The following EPC2 variants were observed in gnomAD, a reference collection of about 807,000 sequenced individuals.
EPC2 encodes the protein enhancer of polycomb homolog 2.
Under a neutral mutation model 92.1 loss-of-function variants are expected in EPC2, and 14 were observed. That is an observed-to-expected ratio of 0.15 (90% CI 0.10 to 0.24). The LOEUF is 0.24. EPC2 is among the 10% of genes least tolerant of loss of function. The pLI is 1.00. For missense variants in EPC2, 755 were observed against 971.5 expected (o/e 0.78, Z 2.96); for synonymous variants, 340 against 334.7 (o/e 1.02, Z -0.17).
chr2:148,718,216 T>C (rs1368226172), intron 2 of EPC2, among the ~76,000 whole-genome samples: 1 of 152,230 alleles, frequency 6.6e-6, no homozygotes, highest in African/African-American at 2.4e-5. Flanking sequence ...CTGTGTCTTT[T>C]AATTGGGGCA....
At chr2:148,741,935 A>G (rs1421293094) in intron 2 of EPC2, among the ~76,000 whole-genome samples, 1 of 152,190 alleles carries the variant, frequency 6.6e-6, no homozygotes, top group African/African-American at 2.4e-5. Flanking sequence ...AAACACATGC[A>G]TATATATCCA....
At chr2:148,673,674 C>G (rs1681199803) in intron 1 of EPC2, among the ~76,000 whole-genome samples, 1 of 152,166 alleles carries the variant, frequency 6.6e-6, no homozygotes, top group African/African-American at 2.4e-5. Flanking sequence ...GCCTCTGCCT[C>G]TTGGGTTCCA....
rs1471338066 is a variant in EPC2, at chr2:148,690,329, A to G, written c.269A>G (p.Tyr90Cys). The G allele has an allele frequency of 1.2e-6, 2 of 1,611,300 alleles. No homozygotes were observed. The highest frequency in any genetic ancestry group is 1.1e-5 in the South Asian group (1 of 90,366). The stretch of plus-strand genomic sequence containing the variant: ...AACGTCAACTATTACAATCGCTTGT[A>G]CAAAGGAGAGTTTAAACAGCCAAAA... ...ESNVNYYNRL[Y>C]KGEFKQPKQF... is the part of the protein sequence containing the mutation. Residue 90 changes from tyrosine (Y) to cysteine (C), a missense_variant, in exon 2 of 14, where the codon TAC becomes TGC. Transcript: ENST00000258484.
chr2:148,675,332 A>T (rs953392749), intron 1 of EPC2, among the ~76,000 whole-genome samples: 1 of 152,116 alleles, frequency 6.6e-6, no homozygotes, highest in Non-Finnish European at 1.5e-5. Context: ...GTATCCCTAA[A>T]TGCTACTTTT....
intron 1 of EPC2, among the ~76,000 whole-genome samples, chr2:148,686,600 A>G (rs968012292): frequency 2.6e-5 from 4 of 152,244 alleles, no homozygotes; most frequent in African/African-American, 9.6e-5. Context: ...TTGCCTTACA[A>G]AATGGATTTC....
In EPC2 at chr2:148,654,727, C is replaced by T. The variant is rs533383496; in HGVS notation, c.153+9557C>T. Among the ~76,000 whole-genome samples the T allele has an allele frequency of 2.4e-4, 37 of 152,244 alleles. No individual in the cohort carries two copies. The South Asian group carries it at 3.3e-3, about 14-fold the overall frequency. ...CATTACAAGTTAATATGTGTGTTTT[C>T]CTCCTTCCTTCTGTTTTCTGGCACA... On this transcript the variant is annotated intron_variant, in intron 1 of 13. Transcript: ENST00000258484.
chr2:148,651,414 C>G (rs1355788500), intron 1 of EPC2, among the ~76,000 whole-genome samples: 2 of 152,122 alleles, frequency 1.3e-5, no homozygotes, highest in African/African-American at 4.8e-5. Flanking sequence ...CCTGTTACAT[C>G]TTCAGCACTA....
chr2:148,771,345 G>A lies in EPC2; in HGVS notation c.1678G>A (p.Ala560Thr). Residue 560 changes from alanine (A) to threonine (T), a missense_variant, in exon 10 of 14, where the codon GCA becomes ACA. Physicochemically the swap from Ala to Thr is moderately conservative, Grantham distance 58 (BLOSUM62 0). This residue lies in a region of EPC2 where 509 missense variants were observed against 607.7 expected (regional missense o/e 0.84). Coordinates refer to ENST00000258484, the MANE Select transcript of EPC2 (RefSeq NM_015630.4). ...TGTGAACAATAAAAGAGTTTCTGCA[G>A]CATCTGTAGCTTTATTGAACACCAG... ...QTVNNKRVSA[A>T]SVALLNTSKN... 2 of 1,609,742 alleles carry A rather than the reference G, an allele frequency of 1.2e-6. No homozygotes were observed. The highest frequency in any genetic ancestry group is 8.5e-7 in the Non-Finnish European group (1 of 1,178,568).
intron 2 of EPC2, among the ~76,000 whole-genome samples, chr2:148,728,389 TA>T (rs1253688879): frequency 2.6e-5 from 4 of 152,120 alleles, no homozygotes; most frequent in South Asian, 4.1e-4. Context: ...TTTTTTTTTT[TA>T]ATCACTGCAT....
At chr2:148,718,623 C>T (rs973545070) in intron 2 of EPC2, among the ~76,000 whole-genome samples, 2 of 152,180 alleles carry the variant, frequency 1.3e-5, no homozygotes, top group African/African-American at 4.8e-5. Context: ...GTCTGATGGG[C>T]TTCCCCTTGT....
At chr2:148,688,184 G>A (rs1042762061) in intron 1 of EPC2, among the ~76,000 whole-genome samples, 169 of 152,180 alleles carry the variant, frequency 1.1e-3, no homozygotes, top group Non-Finnish European at 9.6e-4. Flanking sequence ...TGATAGACTG[G>A]ATTAAGAAAA....
At chr2:148,744,850 A>G (rs1437830128) in intron 3 of EPC2, among the ~76,000 whole-genome samples, 1 of 151,986 alleles carries the variant, frequency 6.6e-6, no homozygotes, top group Non-Finnish European at 1.5e-5. Context: ...TAGATTGTTA[A>G]AACTTTTCAT....
intron 1 of EPC2, among the ~76,000 whole-genome samples, chr2:148,662,660 A>C (rs1163303863): frequency 1.3e-5 from 2 of 151,194 alleles, no homozygotes; most frequent in Non-Finnish European, 2.9e-5. Context: ...CACACCGGGG[A>C]CTGTTGTGGG....
chr2:148,696,274 C>T (rs1681743205), intron 2 of EPC2, among the ~76,000 whole-genome samples: 1 of 152,028 alleles, frequency 6.6e-6, no homozygotes, highest in South Asian at 2.1e-4. Context: ...CACAGTGAGA[C>T]CTTGTCACTA....
chr2:148,714,290 A>T (rs960722600), intron 2 of EPC2, among the ~76,000 whole-genome samples: 2 of 151,996 alleles, frequency 1.3e-5, no homozygotes, highest in African/African-American at 4.8e-5. Flanking sequence ...TGGATGTAGC[A>T]CATTTGCATT....
At chr2:148,752,933 G>C (rs540123855) in intron 3 of EPC2, among the ~76,000 whole-genome samples, 63 of 152,132 alleles carry the variant, frequency 4.1e-4, no homozygotes, top group Non-Finnish European at 7.6e-4. Flanking sequence ...AACATTTCTT[G>C]GGAAATATCT....
intron 2 of EPC2, among the ~76,000 whole-genome samples, chr2:148,734,316 T>G (rs1043962695): frequency 3.3e-5 from 5 of 152,138 alleles, no homozygotes; most frequent in Admixed American, 1.3e-4. Context: ...GAAATAGATG[T>G]AGCAGCTCAT....
chr2:148,652,079 T>C (rs962959927), intron 1 of EPC2, among the ~76,000 whole-genome samples: 1 of 152,154 alleles, frequency 6.6e-6, no homozygotes, highest in African/African-American at 2.4e-5. Context: ...AGTTCAAAAT[T>C]CCAGATTCTT....
chr2:148,660,888 T>G (rs1040017796), intron 1 of EPC2, among the ~76,000 whole-genome samples: 2 of 152,070 alleles, frequency 1.3e-5, no homozygotes, highest in African/African-American at 4.8e-5. Context: ...AGAATTTTTT[T>G]TGTGTGCAAG....
Sources: allele counts gnomAD v4.1 joint callset (sites outside exome capture counted in the v4.1 genomes callset), GRCh38; gene constraint gnomAD v4.1.1; regional missense constraint gnomAD v4.1.1; transcripts MANE v1.5; gene names NCBI Gene and HGNC (gene_info 2026-07-23, HGNC 2026-07-21).